Variants in GPHN observed in about 807,000 individuals in gnomAD.
GPHN encodes gephyrin.
GPHN carries 17 observed loss-of-function variants against 95.5 expected under a neutral mutation model. That is an observed-to-expected ratio of 0.18 (90% CI 0.12 to 0.27). The LOEUF (loss-of-function observed/expected upper bound fraction) is 0.27, where lower values mean the gene tolerates loss of function less well. Among genes scored for constraint, GPHN ranks in the 10% least tolerant of loss-of-function variants. GPHN has a pLI of 1.00. For missense variants in GPHN, 660 were observed against 978.1 expected, an observed-to-expected ratio of 0.67 and a Z score of 4.34; for synonymous variants, 320 against 322.5, an observed-to-expected ratio of 0.99 and a Z score of 0.08.
chr14:67,540,965 C>A, the GPHN span, among the ~76,000 whole-genome samples: 35 of 152,294 alleles, frequency 2.3e-4, no homozygotes, highest in East Asian at 6.7e-3. Context: ...TAGGTGTCTA[C>A]TTGATTTGTT....
chr14:67,180,824 C>T lies in GPHN; in HGVS notation c.2197C>T (p.Leu733=). Residue 733 remains leucine (L), a synonymous_variant, in exon 23 of 23, where the codon CTG becomes TTG. Coordinates refer to ENST00000478722, the MANE Select transcript of GPHN (RefSeq NM_020806.5). The part of the protein sequence containing the change: ...QSTGNQMSSR[L]MSMRSANGLL... The stretch of plus-strand genomic sequence containing the variant: ...TCTAGGTAATCAAATGAGCAGCCGT[C>T]TGATGAGCATGCGCAGTGCCAATGG... The T allele has an allele frequency of 6.2e-7, 1 of 1,613,776 alleles. No individual in the cohort carries two copies. The highest frequency in any genetic ancestry group is 1.3e-5 in the African/African-American group (1 of 75,040).
chr14:67,370,318 G>T, the GPHN span, among the ~76,000 whole-genome samples: 1 of 152,218 alleles, frequency 6.6e-6, no homozygotes, highest in Admixed American at 6.5e-5. Context: ...ATTTTAGGGG[G>T]CTTTCTCCCA....
chr14:67,329,847 T>C, the GPHN span, among the ~76,000 whole-genome samples: 1 of 108,920 alleles, frequency 9.2e-6, no homozygotes, highest in Non-Finnish European at 1.6e-5. Context: ...AATAAATAAA[T>C]AAATAAATAA....
At chr14:66,940,863 C>T (rs1052949722) in intron 8 of GPHN, among the ~76,000 whole-genome samples, 1 of 152,136 alleles carries the variant, frequency 6.6e-6, no homozygotes, top group Non-Finnish European at 1.5e-5. Context: ...GGAATTGAGT[C>T]CTCCTCCAAC....
chr14:67,671,505 G>A, the GPHN span, among the ~76,000 whole-genome samples: 62 of 151,984 alleles, frequency 4.1e-4, no homozygotes, highest in Admixed American at 2.0e-3. Context: ...CAGCCTGGGC[G>A]ACAGAGCAAG....
intron 6 of GPHN, 110 bp downstream of exon 6, chr14:66,916,179 A>G: frequency 1.4e-6 from 1 of 732,534 alleles, no homozygotes; most frequent in South Asian, 1.5e-5. Flanking sequence ...CACATCTGAT[A>G]CCAATTGCAG....
At chr14:67,572,411 G>A in the GPHN span, 6 of 554,564 alleles carry the variant, frequency 1.1e-5, no homozygotes, top group Non-Finnish European at 1.9e-5. Flanking sequence ...GGCAGGGGGC[G>A]TGGGCTGGGG....
chr14:66,754,684 G>A (rs556695397), intron 2 of GPHN, among the ~76,000 whole-genome samples: 1 of 151,906 alleles, frequency 6.6e-6, no homozygotes, highest in African/African-American at 2.4e-5. Context: ...GTTACACCAA[G>A]CTCACTTTGT....
intron 1 of GPHN, among the ~76,000 whole-genome samples, chr14:66,630,820 G>C (rs57142513): frequency 0.16 from 24,564 of 152,122 alleles, 3,846 homozygotes; most frequent in East Asian, 0.45. Flanking sequence ...TGTCATGCCA[G>C]TTAATTACAT....
At chr14:67,725,282 G>T in the GPHN span, 1 of 1,611,660 alleles carries the variant, frequency 6.2e-7, no homozygotes, top group Non-Finnish European at 8.5e-7. Context: ...AGGTAGAAAA[G>T]CAGGAAATTG....
chr14:67,268,620 A>G, the GPHN span, among the ~76,000 whole-genome samples: 3 of 152,272 alleles, frequency 2.0e-5, no homozygotes, highest in African/African-American at 7.2e-5. Context: ...TTGCCATGGC[A>G]TTTGTAAACT....
At chr14:67,711,136 C>T in the GPHN span, among the ~76,000 whole-genome samples, 2 of 152,140 alleles carry the variant, frequency 1.3e-5, no homozygotes, top group East Asian at 3.8e-4. Flanking sequence ...TGGACTAGAC[C>T]ACCTAAAGCC....
chr14:67,444,161 T>C, the GPHN span, among the ~76,000 whole-genome samples: 1 of 152,226 alleles, frequency 6.6e-6, no homozygotes, highest in Non-Finnish European at 1.5e-5. Context: ...TGTATTGATG[T>C]CTTATGTCTC....
At chr14:66,755,701 A>G (rs924006224) in intron 2 of GPHN, among the ~76,000 whole-genome samples, 5 of 152,122 alleles carry the variant, frequency 3.3e-5, no homozygotes, top group African/African-American at 7.2e-5. Flanking sequence ...AACATCATCA[A>G]CCAATGTTAT....
At position 66,681,417 on chromosome 14, in the gene GPHN, A is replaced by T. The variant is rs8005352; in HGVS notation, c.143+232A>T. Among the ~76,000 whole-genome samples, 24,502 of 152,058 alleles carry T rather than the reference A, an allele frequency of 0.16. 3,792 individuals carry two copies. Among genetic ancestry groups the T allele is most frequent in the East Asian group, 0.45 (2,327 of 5,138 alleles). ...TTTCAAGGAGGAATCCTGATGGCTG[A>T]TGATATCTTGCCAATGTGGCAGTAG... On this transcript the variant is annotated intron_variant, in intron 2 of 22. Transcript: ENST00000478722.
intron 9 of GPHN, chr14:66,996,190 C>T (rs1006953359): frequency 3.3e-6 from 5 of 1,533,426 alleles, no homozygotes; most frequent in Non-Finnish European, 3.5e-6. Context: ...CGGCTTCCCT[C>T]GTGCTCATCT....
the GPHN span, chr14:67,311,949 CAA>C: frequency 6.6e-6 from 1 of 152,582 alleles, no homozygotes; most frequent in Non-Finnish European, 1.5e-5. Context: ...ACAGTGGGGT[CAA>C]GAGACAATGA....
intron 1 of GPHN, among the ~76,000 whole-genome samples, chr14:66,655,812 G>T (rs1453578877): frequency 2.0e-5 from 3 of 151,796 alleles, no homozygotes; most frequent in Non-Finnish European, 4.4e-5. Flanking sequence ...ATCATGAATT[G>T]GTTGAATTTT....
the GPHN span, among the ~76,000 whole-genome samples, chr14:67,315,238 T>C: frequency 1.3e-5 from 2 of 152,018 alleles, no homozygotes; most frequent in African/African-American, 4.8e-5. Context: ...ACTTTGTTCT[T>C]GATTTTTAAA....
Sources: allele counts gnomAD v4.1 joint callset (sites outside exome capture counted in the v4.1 genomes callset), GRCh38; gene constraint gnomAD v4.1.1; transcripts MANE v1.5; gene names NCBI Gene and HGNC (gene_info 2026-07-23, HGNC 2026-07-21).